Variants in FAM13B observed in about 807,000 individuals in gnomAD.
The protein encoded by FAM13B is family with sequence similarity 13 member B.
In FAM13B, 60 loss-of-function variants were observed where a neutral mutation model predicts 117.3. The observed-to-expected ratio is 0.51, with a 90% CI of 0.42 to 0.63. FAM13B has a LOEUF of 0.63. FAM13B is among the 30% of genes least tolerant of loss of function. FAM13B has a pLI of 0.00. For missense variants in FAM13B, 972 were observed against 1,091.9 expected (o/e 0.89, Z 1.55); for synonymous variants, 332 against 356.1 (o/e 0.93, Z 0.76).
chr5:138,036,133 G>A (rs931543027), upstream of FAM13B: 8 of 338,994 alleles, frequency 2.4e-5, no homozygotes, highest in Middle Eastern at 1.1e-3. Context: ...ACCCTAGGGG[G>A]TGCCATTCAC....
chr5:138,032,065 T>C (rs950924650), intron 1 of FAM13B, among the ~76,000 whole-genome samples: 1 of 152,236 alleles, frequency 6.6e-6, no homozygotes, highest in Admixed American at 6.5e-5. Flanking sequence ...ATCCACCGTC[T>C]TTCTAAAAGT....
intron 7 of FAM13B, among the ~76,000 whole-genome samples, chr5:137,991,765 T>G (rs763739414): frequency 1.2e-4 from 19 of 152,174 alleles, no homozygotes; most frequent in South Asian, 2.1e-4. Context: ...ACATGAGAGA[T>G]AAAATCAATT....
At chr5:137,956,443 G>GT in intron 14 of FAM13B, 34 bp downstream of exon 14, 1 of 992,606 alleles carries the variant, frequency 1.0e-6, no homozygotes, top group Non-Finnish European at 1.4e-6. Context: ...ACCATAAAAG[G>GT]CAAAAAAACT....
chr5:138,016,532 G>A (rs971136090), intron 4 of FAM13B, among the ~76,000 whole-genome samples: 4 of 152,102 alleles, frequency 2.6e-5, no homozygotes, highest in Admixed American at 2.6e-4. Context: ...TACTCAAGAG[G>A]CTGAGGCGAG....
chr5:137,991,676 GA>G (rs1244319021), intron 7 of FAM13B, among the ~76,000 whole-genome samples: 1 of 152,186 alleles, frequency 6.6e-6, no homozygotes, highest in Admixed American at 6.5e-5. Flanking sequence ...AGAAAGCAGG[GA>G]AATGGCAGTG....
intron 7 of FAM13B, among the ~76,000 whole-genome samples, chr5:137,989,815 C>T (rs777577679): frequency 6.6e-6 from 1 of 151,804 alleles, no homozygotes; most frequent in African/African-American, 2.4e-5. Context: ...AGAAAGACAC[C>T]CTGTCTCAAA....
intron 4 of FAM13B, among the ~76,000 whole-genome samples, chr5:138,012,723 T>A (rs1057464171): frequency 6.6e-6 from 1 of 152,204 alleles, no homozygotes; most frequent in Non-Finnish European, 1.5e-5. Context: ...AGTGATTTAT[T>A]GTGCTACATG....
At chr5:137,960,058 G>A (rs1419625272) in intron 12 of FAM13B, 108 bp downstream of exon 12, 7 of 742,112 alleles carry the variant, frequency 9.4e-6, no homozygotes, top group Admixed American at 3.0e-5. Flanking sequence ...TTTGGTAAGA[G>A]TATTTATATT....
chr5:137,968,903 G>T (rs936861451), intron 10 of FAM13B, among the ~76,000 whole-genome samples: 1 of 152,186 alleles, frequency 6.6e-6, no homozygotes, highest in African/African-American at 2.4e-5. Flanking sequence ...TTTTCCGACG[G>T]GCTTAAAAAA....
rs1458922689 is a variant in FAM13B at position 138,033,009 on chromosome 5, GGA to G, written c.-432_-431del. 1.0e-6 allele frequency: 1 copy of G among 987,278 alleles called. No individual in the cohort carries two copies. Among genetic ancestry groups the G allele is most frequent in the East Asian group, 1.1e-4 (1 of 8,880 alleles). The allele number at this position is 987,278 out of a possible 1,614,324, so 61.2% of individuals were successfully genotyped here. A position where few individuals can be genotyped will look rare whatever the true frequency, so the allele number is the denominator to read the frequency against. On this transcript the variant is annotated 5_prime_UTR_variant, in exon 1 of 24. Coordinates refer to ENST00000689681, the MANE Select transcript of FAM13B (RefSeq NM_001385994.1). ...GTGGCGACGCAGACGCGGAACAGGG[GGA>G]GAGAGTGGCGACAGAGGCGGCGGCT...
At chr5:137,966,528 AAGAG>A (rs1770014626) in intron 10 of FAM13B, among the ~76,000 whole-genome samples, 3 of 85,228 alleles carry the variant, frequency 3.5e-5, no homozygotes, top group Admixed American at 1.2e-4. Flanking sequence ...GAGAGAGGGA[AAGAG>A]AGAGAGAAAC....
intron 7 of FAM13B, among the ~76,000 whole-genome samples, chr5:138,005,317 T>C (rs745835452): frequency 1.3e-5 from 2 of 152,170 alleles, no homozygotes; most frequent in African/African-American, 4.8e-5. Context: ...CTCAAGAAAA[T>C]ACTGTTAATG....
chr5:138,011,566 C>A lies in FAM13B; in HGVS notation c.548+202G>T, dbSNP rs1016226325. ...TCCCGAGCAGCTGGGACTACAGGCACCCGCCACCATGCCCAGCTAGTTTTT... is the reference window on the plus strand; with the variant it reads ...TCCCGAGCAGCTGGGACTACAGGCAACCGCCACCATGCCCAGCTAGTTTTT... On this transcript the variant is annotated intron_variant, in intron 5 of 23. Coordinates refer to ENST00000689681, the MANE Select transcript of FAM13B (RefSeq NM_001385994.1). 3.6e-4 allele frequency among the ~76,000 whole-genome samples: 55 copies of A among 152,104 alleles called. 1 individual carries two copies. The highest frequency in any genetic ancestry group is 1.3e-3 in the African/African-American group (52 of 41,514).
intron 1 of FAM13B, among the ~76,000 whole-genome samples, chr5:138,051,695 A>G (rs1347656304): frequency 6.6e-6 from 1 of 152,204 alleles, no homozygotes; most frequent in African/African-American, 2.4e-5. Context: ...TACACTATGT[A>G]TTTTTAAGTA....
rs535669277 is a variant in FAM13B, at chr5:137,969,021, C to T, written c.1180-6552G>A. Among the ~76,000 whole-genome samples the T allele has an allele frequency of 1.1e-4, 17 of 152,332 alleles. 1 individual carries two copies. Among genetic ancestry groups the T allele is most frequent in the African/African-American group, 2.2e-4 (9 of 41,580 alleles). ...CTGAGATCAAACTGCAAGGCGGCAG[C>T]GAGGCTGGGGGAAGGGTGCCCGCCA... On this transcript the variant is annotated intron_variant, in intron 10 of 23. Transcript: ENST00000689681.
chr5:138,032,509 G>A (rs960809753), intron 1 of FAM13B, among the ~76,000 whole-genome samples: 1 of 152,196 alleles, frequency 6.6e-6, no homozygotes, highest in Non-Finnish European at 1.5e-5. Flanking sequence ...GAGGTGAGGG[G>A]CACGCCCGCT....
chr5:138,048,940 CTT>C (rs35414064), intron 1 of FAM13B, among the ~76,000 whole-genome samples: 9 of 122,436 alleles, frequency 7.4e-5, no homozygotes, highest in Admixed American at 9.0e-5. Flanking sequence ...TGATACATTT[CTT>C]TTTTTTTTTT....
chr5:137,987,661 A>G (rs778132180), intron 8 of FAM13B, 45 bp from the exon 9 acceptor site: 10 of 1,553,900 alleles, frequency 6.4e-6, no homozygotes, highest in South Asian at 2.4e-5. Context: ...CTCTAACTGG[A>G]TATCTGGTGA....
intron 7 of FAM13B, among the ~76,000 whole-genome samples, chr5:138,005,698 A>G (rs1308573064): frequency 2.0e-5 from 3 of 152,162 alleles, no homozygotes; most frequent in African/African-American, 7.2e-5. Context: ...ACATGTTAAT[A>G]TAACAGAATT....
Sources: gnomAD v4.1 joint callset for allele counts (sites outside exome capture counted in the v4.1 genomes callset) on GRCh38, gnomAD v4.1.1 for gene constraint, MANE v1.5 for transcripts, NCBI Gene and HGNC (gene_info 2026-07-23, HGNC 2026-07-21) for gene names.